The following CLSTN3 variants were observed in gnomAD, a reference collection of about 807,000 sequenced individuals.
CLSTN3 encodes the protein calsyntenin 3.
CLSTN3 carries 36 observed loss-of-function variants against 95.9 expected under a neutral mutation model. The ratio of observed to expected loss-of-function variants is 0.38; its 90% CI spans 0.29 to 0.50. The LOEUF (loss-of-function observed/expected upper bound fraction) is 0.50. Among genes scored for constraint, CLSTN3 ranks in the 20% least tolerant of loss-of-function variants. The pLI, the probability that CLSTN3 is intolerant of heterozygous loss-of-function variation, is 0.95. For synonymous variants in CLSTN3, 481 were observed against 504.0 expected, an observed-to-expected ratio of 0.95 and a Z score of 0.61; for missense variants, 1,084 against 1,268.8, an observed-to-expected ratio of 0.85 and a Z score of 2.21.
At position 7,150,846 on chromosome 12, in the gene CLSTN3, T is replaced by C; in HGVS notation, c.2392-82T>C. ...GAGGAGAAGGAGATGGGGGCAGTAG[T>C]TAGGAGATGGGGCTGGGGTCTAGAG... On this transcript the variant is annotated intron_variant, in intron 15 of 17. Transcript: ENST00000266546. The surrounding 1 kb of genome is among the most constrained non-coding windows in gnomAD (Gnocchi z 4.0). 1 of 1,547,230 alleles carries C rather than the reference T, an allele frequency of 6.5e-7. No individual in the cohort carries two copies. Among genetic ancestry groups the C allele is most frequent in the Non-Finnish European group, 8.8e-7 (1 of 1,140,190 alleles).
intron 12 of CLSTN3, among the ~76,000 whole-genome samples, chr12:7,144,232 C>CA (rs754358387): frequency 0.017 from 1,152 of 68,216 alleles, 5 homozygotes; most frequent in African/African-American, 0.026. Flanking sequence ...GACTCCATCT[C>CA]AAAAAAAAAA....
Position 7,157,451 on chromosome 12 carries a change from C to T in CLSTN3, c.2528-38C>T. 22 of 1,514,394 alleles carry T rather than the reference C, an allele frequency of 1.5e-5. No homozygotes were observed. The highest frequency in any genetic ancestry group is 2.0e-5 in the Non-Finnish European group (22 of 1,127,848). The allele number at this position is 1,514,394 out of a possible 1,614,324, so 93.8% of individuals were successfully genotyped here. On this transcript the variant is annotated intron_variant, in intron 16 of 17. Transcript: ENST00000266546. The surrounding 1 kb of genome is among the most constrained non-coding windows in gnomAD (Gnocchi z 5.9). ...CCTGTCCAAGTGCCCCCAGGTGTGCCTAGTCACGCTCTGCTCACCCCCGCG... is the reference window on the plus strand; with the variant it reads ...CCTGTCCAAGTGCCCCCAGGTGTGCTTAGTCACGCTCTGCTCACCCCCGCG...
intron 16 of CLSTN3, chr12:7,156,419 G>A (rs1354574785): frequency 8.8e-6 from 4 of 456,794 alleles, no homozygotes; most frequent in African/African-American, 4.0e-5. Context: ...CGTCTGTAGT[G>A]TCTATGTCTT....
chr12:7,157,913 C>T lies in CLSTN3; in HGVS notation c.2731-28C>T, dbSNP rs770432887. On this transcript the variant is annotated intron_variant, in intron 17 of 17. Transcript: ENST00000266546. This position sits in a 1 kb window ranked among gnomAD's most constrained non-coding sequence, Gnocchi z 5.9. ...CTGGGATGTGTGCAGGCCATTGATC[C>T]CTTCTCCTCTCTGTTCCTGCCCTCC... is the stretch of plus-strand genomic sequence containing the variant. 48 of 1,548,760 alleles carry T rather than the reference C, an allele frequency of 3.1e-5. No homozygotes were observed. In the South Asian group the frequency reaches 5.4e-4, roughly 17 times the overall value.
intron 8 of CLSTN3, among the ~76,000 whole-genome samples, chr12:7,139,771 C>G (rs112569354): frequency 3.3e-5 from 5 of 152,180 alleles, no homozygotes; most frequent in African/African-American, 1.2e-4. Flanking sequence ...GCCTCAGCTT[C>G]CCTAGTAGTT....
Position 7,150,463 on chromosome 12 carries a change from C to G in CLSTN3, c.2246-81C>G, listed in dbSNP as rs1939703434. On this transcript the variant is annotated intron_variant, in intron 14 of 17. Coordinates refer to ENST00000266546, the MANE Select transcript of CLSTN3 (RefSeq NM_014718.4). The surrounding 1 kb of genome is among the most constrained non-coding windows in gnomAD (Gnocchi z 4.0). ...TGCTCTACAGCTTGTGTGGCGTCAG[C>G]TGGTGGGAGTCCAGGAGAGAGGGTC... 6.6e-7 allele frequency: 1 copy of G among 1,511,892 alleles called. No individual in the cohort carries two copies. Among genetic ancestry groups the G allele is most frequent in the Admixed American group, 1.9e-5 (1 of 52,060 alleles). 93.7% of individuals were successfully genotyped at this position (1,511,892 alleles called of 1,614,324 possible).
intron 16 of CLSTN3, among the ~76,000 whole-genome samples, chr12:7,153,642 T>C (rs1339968997): frequency 6.6e-6 from 1 of 152,244 alleles, no homozygotes; most frequent in Non-Finnish European, 1.5e-5. Context: ...TAAATTTTTT[T>C]CCTTCTTGTG....
At chr12:7,134,796 GACCCAT>G (rs1310103184) in intron 3 of CLSTN3, among the ~76,000 whole-genome samples, 1 of 152,182 alleles carries the variant, frequency 6.6e-6, no homozygotes, top group Non-Finnish European at 1.5e-5. Context: ...TTGGCACCCT[GACCCAT>G]AGCATTTTGC....
intron 16 of CLSTN3, chr12:7,156,430 C>G (rs1166815263): frequency 2.2e-6 from 1 of 456,768 alleles, no homozygotes; most frequent in East Asian, 6.9e-5. Context: ...TCTATGTCTT[C>G]CTTCAGGGGG....
At position 7,149,881 on chromosome 12, in the gene CLSTN3, G is replaced by C. The variant is rs1158877064; in HGVS notation, c.2245+188G>C. 6.6e-6 allele frequency among the ~76,000 whole-genome samples: 1 copy of C among 152,180 alleles called. No homozygotes were observed. Among genetic ancestry groups the C allele is most frequent in the South Asian group, 2.1e-4 (1 of 4,828 alleles). On this transcript the variant is annotated intron_variant, in intron 14 of 17. Transcript: ENST00000266546. This position sits in a 1 kb window ranked among gnomAD's most constrained non-coding sequence, Gnocchi z 4.5. ...GGAAGGTGTGCTGGGTTTAGGCTCCGAATGCTTCTGTCTTCCTGCTCCTCT... is the reference window on the plus strand; with the variant it reads ...GGAAGGTGTGCTGGGTTTAGGCTCCCAATGCTTCTGTCTTCCTGCTCCTCT...
intron 12 of CLSTN3, among the ~76,000 whole-genome samples, 157 bp downstream of exon 12, chr12:7,143,468 C>G (rs1001317177): frequency 1.3e-5 from 2 of 152,234 alleles, no homozygotes; most frequent in African/African-American, 4.8e-5. Flanking sequence ...CTGAAGGTCA[C>G]ATAGCAATAT....
intron 8 of CLSTN3, among the ~76,000 whole-genome samples, chr12:7,140,835 G>C (rs79253787): frequency 6.6e-6 from 1 of 152,038 alleles, no homozygotes; most frequent in Non-Finnish European, 1.5e-5. Context: ...TGAGCCGAGG[G>C]GTTTGAGGCT....
At position 7,141,382 on chromosome 12, in the gene CLSTN3, C is replaced by G. The variant is rs754398323; in HGVS notation, c.1464C>G (p.Leu488=). The G allele has an allele frequency of 1.2e-6, 2 of 1,614,094 alleles. No homozygotes were observed. The highest frequency in any genetic ancestry group is 1.7e-6 in the Non-Finnish European group (2 of 1,180,050). ...ACCCACCCCGAAGGGAGCCTGCTCT[C>G]ATGATTGGGGCCTGCTGGACTGGTA... ...LIHPPRREPA[L]MIGACWTEEK... The change falls in exon 9 of 18, where the codon CTC becomes CTG. Residue 488 remains leucine (L), a synonymous_variant. Coordinates refer to ENST00000266546, the MANE Select transcript of CLSTN3 (RefSeq NM_014718.4). The surrounding 1 kb of genome is among the most constrained non-coding windows in gnomAD (Gnocchi z 4.1).
At chr12:7,146,682 C>T (rs893783663) in intron 12 of CLSTN3, among the ~76,000 whole-genome samples, 11 of 152,170 alleles carry the variant, frequency 7.2e-5, no homozygotes, top group Admixed American at 1.3e-4. Flanking sequence ...ACTCATATGG[C>T]GATGACCATA....
Position 7,157,739 on chromosome 12 carries a change from C to A in CLSTN3, c.2730+48C>A, listed in dbSNP as rs376239651. The A allele has an allele frequency of 6.5e-7, 1 of 1,536,810 alleles. No individual in the cohort carries two copies. The highest frequency in any genetic ancestry group is 8.8e-7 in the Non-Finnish European group (1 of 1,136,626). On this transcript the variant is annotated intron_variant, in intron 17 of 17. Transcript: ENST00000266546. This position sits in a 1 kb window ranked among gnomAD's most constrained non-coding sequence, Gnocchi z 5.9. ...GTTCTGTAGGGTCAAGACTGTGGAG[C>A]ACACACGGTGAGGACTCCTGAGGAG...
In CLSTN3 at chr12:7,142,094, A is replaced by G; in HGVS notation, c.1495A>G (p.Asn499Asp). The change falls in exon 10 of 18, where the codon AAC (asparagine) becomes GAC (aspartate). Residue 499 changes from asparagine to aspartate, a missense_variant. Asn to Asp is a conservative substitution (Grantham distance 23). Coordinates refer to ENST00000266546, the MANE Select transcript of CLSTN3 (RefSeq NM_014718.4). ...MIGACWTEEK[N>D]KEKEKGDNST... ...TTTTTTTTTATCCCCAGAGGAGAAG[A>G]ACAAAGAGAAGGAAAAGGGAGACAA... is the stretch of plus-strand genomic sequence containing the variant. The G allele has an allele frequency of 1.2e-6, 2 of 1,600,736 alleles. No individual in the cohort carries two copies. Among genetic ancestry groups the G allele is most frequent in the Non-Finnish European group, 1.7e-6 (2 of 1,172,946 alleles).
rs1203227161 is a variant in CLSTN3, at chr12:7,137,793, T to TGAGA, written c.1211-161_1211-160insAGAG. On this transcript the variant is annotated intron_variant, in intron 7 of 17. Coordinates refer to ENST00000266546, the MANE Select transcript of CLSTN3 (RefSeq NM_014718.4). The surrounding 1 kb of genome is among the most constrained non-coding windows in gnomAD (Gnocchi z 4.4). The stretch of plus-strand genomic sequence containing the variant: ...GTGTGTGTGTGTGTGTGTGTGTGTG[T>TGAGA]GTGAGAGAGAGAGAGAGAGAGAGAG... Among the ~76,000 whole-genome samples the TGAGA allele has an allele frequency of 4.1e-3, 295 of 71,254 alleles. No homozygotes were observed. The highest frequency in any genetic ancestry group is 0.022 in the Middle Eastern group (3 of 136). 46.7% of individuals were successfully genotyped at this position (71,254 alleles called of 152,430 possible).
chr12:7,135,157 A>G (rs16916857), intron 3 of CLSTN3, among the ~76,000 whole-genome samples, 170 bp from the exon 4 acceptor site: 3,950 of 151,988 alleles, frequency 0.026, 170 homozygotes, highest in African/African-American at 0.088. Context: ...TTGAGGCTGT[A>G]TCTTGGTGTA....
intron 16 of CLSTN3, among the ~76,000 whole-genome samples, chr12:7,152,711 G>T (rs775622837): frequency 4.8e-4 from 73 of 152,266 alleles, no homozygotes; most frequent in African/African-American, 1.7e-3. Flanking sequence ...GGGGGATTAC[G>T]CTTATTAACT....
Sources: allele counts gnomAD v4.1 joint callset (sites outside exome capture counted in the v4.1 genomes callset), GRCh38; gene constraint gnomAD v4.1.1; non-coding constraint Gnocchi (gnomAD v3.1); transcripts MANE v1.5; gene names NCBI Gene and HGNC (gene_info 2026-07-23, HGNC 2026-07-21).